SPATA16: variants seen among roughly 807,000 people sequenced by gnomAD.
The protein encoded by SPATA16 is spermatogenesis associated 16, also known as spermatogenesis-associated protein 16.
A neutral mutation model predicts 63.3 loss-of-function variants in SPATA16; 36 were observed. That is an observed-to-expected ratio of 0.57 (90% CI 0.44 to 0.75). The LOEUF (loss-of-function observed/expected upper bound fraction) is 0.75, where lower values mean the gene tolerates loss of function less well. Among genes scored for constraint, SPATA16 ranks in the 30% least tolerant of loss-of-function variants. The pLI is 0.00. For synonymous variants in SPATA16, 203 were observed against 216.7 expected (o/e 0.94, Z 0.56); for missense variants, 646 against 679.3 (o/e 0.95, Z 0.54).
rs1733147177 is a variant in SPATA16, at chr3:172,941,529, A to G, written c.1081+15148T>C. ...ATGACACAAGTCAGAAGACAGTGAA[A>G]TAATATCTTCAAGGCACCAATATTT... On this transcript the variant is annotated intron_variant, in intron 6 of 10. Transcript: ENST00000351008. Among the ~76,000 whole-genome samples the G allele has an allele frequency of 2.0e-5, 3 of 152,236 alleles. No homozygotes were observed. The South Asian group carries it at 6.2e-4, about 31-fold the overall frequency.
At chr3:173,010,416 C>G (rs967270667) in intron 4 of SPATA16, among the ~76,000 whole-genome samples, 14 of 150,076 alleles carry the variant, frequency 9.3e-5, no homozygotes, top group Admixed American at 7.3e-4. Context: ...CCCGGCCTGA[C>G]CACTCTGGCA....
chr3:173,102,408 G>A (rs1250909821), intron 2 of SPATA16, among the ~76,000 whole-genome samples: 1 of 152,214 alleles, frequency 6.6e-6, no homozygotes, highest in Non-Finnish European at 1.5e-5. Context: ...AGGCTTTACA[G>A]GGAGCATGAT....
intron 2 of SPATA16, among the ~76,000 whole-genome samples, chr3:173,061,389 G>A (rs189389991): frequency 1.3e-3 from 204 of 152,240 alleles, no homozygotes; most frequent in African/African-American, 3.8e-3. Context: ...TTTATCTGCC[G>A]TTCTTTCTTG....
chr3:173,077,550 C>T (rs1736836223), intron 2 of SPATA16, among the ~76,000 whole-genome samples: 1 of 152,156 alleles, frequency 6.6e-6, no homozygotes, highest in Non-Finnish European at 1.5e-5. Flanking sequence ...CATGCTGCTT[C>T]CCAGAGCCGG....
At chr3:173,065,782 G>C (rs1327656968) in intron 2 of SPATA16, among the ~76,000 whole-genome samples, 2 of 152,202 alleles carry the variant, frequency 1.3e-5, no homozygotes, top group Non-Finnish European at 2.9e-5. Context: ...GCAGAAATCT[G>C]CTGGAGTATT....
intron 10 of SPATA16, among the ~76,000 whole-genome samples, chr3:172,897,411 TC>T (rs1469517397): frequency 6.6e-6 from 1 of 152,116 alleles, no homozygotes; most frequent in Non-Finnish European, 1.5e-5. Flanking sequence ...TTATGTGAGG[TC>T]TTTCAGTCCA....
chr3:173,030,139 T>C (rs1467847856), intron 3 of SPATA16, among the ~76,000 whole-genome samples: 1 of 151,268 alleles, frequency 6.6e-6, no homozygotes, highest in Non-Finnish European at 1.5e-5. Flanking sequence ...TATTCTGTCC[T>C]AGGAAGGGAT....
At chr3:173,140,857 G>A (rs866525669) in intron 1 of SPATA16, among the ~76,000 whole-genome samples, 2 of 152,188 alleles carry the variant, frequency 1.3e-5, no homozygotes, top group African/African-American at 4.8e-5. Flanking sequence ...GGGTGACCCG[G>A]TGCAGCGGAC....
intron 1 of SPATA16, among the ~76,000 whole-genome samples, chr3:173,139,340 G>A (rs983167966): frequency 6.6e-6 from 1 of 151,966 alleles, no homozygotes; most frequent in African/African-American, 2.4e-5. Context: ...TCTTTATTTT[G>A]CTATATTTAA....
intron 1 of SPATA16, among the ~76,000 whole-genome samples, chr3:173,130,098 C>T (rs1361527657): frequency 6.6e-6 from 1 of 152,074 alleles, no homozygotes; most frequent in African/African-American, 2.4e-5. Context: ...CGCGGTGGCT[C>T]AAGCCTGTAA....
At chr3:172,974,386 A>G (rs1374950462) in intron 5 of SPATA16, among the ~76,000 whole-genome samples, 2 of 152,008 alleles carry the variant, frequency 1.3e-5, no homozygotes, top group Non-Finnish European at 2.9e-5. Flanking sequence ...CTAGTCTGTG[A>G]TGTTTGGGGA....
At chr3:173,112,485 C>T (rs1469593487) in intron 2 of SPATA16, among the ~76,000 whole-genome samples, 2 of 152,186 alleles carry the variant, frequency 1.3e-5, no homozygotes, top group Non-Finnish European at 2.9e-5. Flanking sequence ...CGGATCCCGA[C>T]TCCACCACCT....
chr3:173,079,713 G>A (rs76470864), intron 2 of SPATA16, among the ~76,000 whole-genome samples: 3,272 of 152,180 alleles, frequency 0.022, 116 homozygotes, highest in African/African-American at 0.075. Flanking sequence ...ACACAAACCT[G>A]TAAACTAAAA....
intron 6 of SPATA16, among the ~76,000 whole-genome samples, chr3:172,945,370 T>A (rs907173749): frequency 6.6e-6 from 1 of 152,230 alleles, no homozygotes; most frequent in African/African-American, 2.4e-5. Flanking sequence ...CTCCAGTGAT[T>A]GTCTCCCTCA....
chr3:173,127,469 A>G (rs1001664995), intron 1 of SPATA16, among the ~76,000 whole-genome samples: 1 of 152,104 alleles, frequency 6.6e-6, no homozygotes, highest in Non-Finnish European at 1.5e-5. Context: ...TTTCTCCAAG[A>G]TAATGTATTG....
intron 1 of SPATA16, among the ~76,000 whole-genome samples, chr3:173,133,954 T>G (rs77210758): frequency 6.6e-6 from 1 of 151,868 alleles, no homozygotes; most frequent in African/African-American, 2.4e-5. Flanking sequence ...CATAGCTCAC[T>G]CATAAGTCAA....
At chr3:173,046,954 A>G (rs1735971419) in intron 3 of SPATA16, among the ~76,000 whole-genome samples, 1 of 152,014 alleles carries the variant, frequency 6.6e-6, no homozygotes, top group South Asian at 2.1e-4. Flanking sequence ...ACTTAGGAAC[A>G]GCAGCAAAAA....
intron 2 of SPATA16, among the ~76,000 whole-genome samples, chr3:173,099,155 T>A (rs1346753945): frequency 6.6e-6 from 1 of 152,068 alleles, no homozygotes; most frequent in Non-Finnish European, 1.5e-5. Flanking sequence ...AATGCCTAGG[T>A]CATTCACCTC....
intron 4 of SPATA16, among the ~76,000 whole-genome samples, chr3:172,979,067 C>G (rs1019648232): frequency 1.3e-5 from 2 of 152,084 alleles, no homozygotes; most frequent in Non-Finnish European, 2.9e-5. Flanking sequence ...GAAACCCCAT[C>G]TCTACTAAAA....
Sources: gnomAD v4.1 joint callset for allele counts (sites outside exome capture counted in the v4.1 genomes callset) on GRCh38, gnomAD v4.1.1 for gene constraint, MANE v1.5 for transcripts, NCBI Gene and HGNC (gene_info 2026-07-23, HGNC 2026-07-21) for gene names.